The following KCTD16 variants were observed in gnomAD, a reference collection of about 807,000 sequenced individuals.
The protein encoded by KCTD16 is potassium channel tetramerization domain containing 16, also known as BTB/POZ domain-containing protein KCTD16.
Under a neutral mutation model 33.2 loss-of-function variants are expected in KCTD16, and 13 were observed. The observed-to-expected ratio is 0.39, with a 90% CI of 0.25 to 0.62. KCTD16 has a LOEUF of 0.62. Ranked by LOEUF, KCTD16 falls within the 20% of genes least tolerant of loss-of-function variation. The pLI is 0.50. For missense variants in KCTD16, 441 were observed against 525.1 expected (o/e 0.84, Z 1.57); for synonymous variants, 197 against 195.3 (o/e 1.01, Z -0.07).
intron 3 of KCTD16, among the ~76,000 whole-genome samples, chr5:144,272,819 AAAAATTAACTC>A (rs992585708): frequency 6.7e-4 from 102 of 152,318 alleles, no homozygotes; most frequent in African/African-American, 2.4e-3. Flanking sequence ...CACCATATAC[AAAAATTAACTC>A]AAAATGGAAA....
chr5:144,371,613 A>G (rs531455346), intron 3 of KCTD16, among the ~76,000 whole-genome samples: 48 of 152,296 alleles, frequency 3.2e-4, no homozygotes, highest in African/African-American at 1.0e-3. Context: ...CTAAGTAGAA[A>G]TGATTAATGA....
chr5:144,211,584 A>C (rs867265359), intron 3 of KCTD16, among the ~76,000 whole-genome samples: 2 of 152,190 alleles, frequency 1.3e-5, no homozygotes, highest in Non-Finnish European at 2.9e-5. Flanking sequence ...TGCATGTTCA[A>C]ACTTGAGTCT....
At chr5:144,236,119 T>C (rs184499356) in intron 3 of KCTD16, among the ~76,000 whole-genome samples, 51 of 152,234 alleles carry the variant, frequency 3.4e-4, no homozygotes, top group African/African-American at 1.1e-3. Flanking sequence ...ATGCTGAAGA[T>C]AGATAAAAAA....
intron 3 of KCTD16, among the ~76,000 whole-genome samples, chr5:144,407,819 T>C (rs974306120): frequency 6.6e-6 from 1 of 152,184 alleles, no homozygotes; most frequent in African/African-American, 2.4e-5. Context: ...CCTGTGTTAG[T>C]TTGCTGAGAA....
chr5:144,333,676 T>A (rs1023301616), intron 3 of KCTD16, among the ~76,000 whole-genome samples: 3 of 152,160 alleles, frequency 2.0e-5, no homozygotes, highest in Non-Finnish European at 4.4e-5. Context: ...TTCATGTGTC[T>A]CATTCCCCAG....
At chr5:144,275,887 T>C (rs778876202) in intron 3 of KCTD16, among the ~76,000 whole-genome samples, 1 of 152,154 alleles carries the variant, frequency 6.6e-6, no homozygotes, top group South Asian at 2.1e-4. Flanking sequence ...TTAATATTCT[T>C]ACAACAAGCT....
intron 3 of KCTD16, among the ~76,000 whole-genome samples, chr5:144,372,072 G>C (rs1751979596): frequency 6.6e-6 from 1 of 152,140 alleles, no homozygotes; most frequent in South Asian, 2.1e-4. Flanking sequence ...ACACAAACAG[G>C]AAGGGTCGGG....
At chr5:144,392,245 C>A (rs904622863) in intron 3 of KCTD16, among the ~76,000 whole-genome samples, 1 of 152,046 alleles carries the variant, frequency 6.6e-6, no homozygotes, top group Non-Finnish European at 1.5e-5. Context: ...GGAAAAAGCC[C>A]CATGAATTCA....
chr5:144,355,107 C>T (rs1035271426), intron 3 of KCTD16, among the ~76,000 whole-genome samples: 2 of 152,128 alleles, frequency 1.3e-5, no homozygotes, highest in African/African-American at 2.4e-5. Context: ...CAAAGTCAGA[C>T]ATCTAGAACA....
chr5:144,416,232 T>C (rs1753050658), intron 3 of KCTD16, among the ~76,000 whole-genome samples: 1 of 152,052 alleles, frequency 6.6e-6, no homozygotes, highest in Non-Finnish European at 1.5e-5. Flanking sequence ...ATCTCCAAAA[T>C]ATTTAGTTTT....
intron 3 of KCTD16, among the ~76,000 whole-genome samples, chr5:144,227,742 A>G (rs766037699): frequency 1.3e-5 from 2 of 152,206 alleles, no homozygotes; most frequent in African/African-American, 2.4e-5. Context: ...GATGGCTCAG[A>G]GAAGGTCGAT....
At chr5:144,445,388 G>T (rs1273185114) in intron 3 of KCTD16, among the ~76,000 whole-genome samples, 1 of 151,952 alleles carries the variant, frequency 6.6e-6, no homozygotes, top group Admixed American at 6.6e-5. Context: ...ACTGCAATTC[G>T]AATCTCCTTT....
intron 3 of KCTD16, among the ~76,000 whole-genome samples, chr5:144,406,849 C>A (rs1752819358): frequency 6.6e-6 from 1 of 152,162 alleles, no homozygotes; most frequent in African/African-American, 2.4e-5. Context: ...CAGCTGCTGC[C>A]AGCCTCTGTA....
chr5:144,441,378 G>GT (rs772567740), intron 3 of KCTD16, among the ~76,000 whole-genome samples: 1 of 151,982 alleles, frequency 6.6e-6, no homozygotes, highest in Non-Finnish European at 1.5e-5. Context: ...TCTTCTAAGA[G>GT]TTGTTATTTT....
At chr5:144,350,821 G>A (rs1377540713) in intron 3 of KCTD16, among the ~76,000 whole-genome samples, 2 of 150,184 alleles carry the variant, frequency 1.3e-5, no homozygotes, top group Non-Finnish European at 3.0e-5. Flanking sequence ...CACAGACAGT[G>A]ATTATTATTG....
At chr5:144,325,733 C>T (rs1167056198) in intron 3 of KCTD16, among the ~76,000 whole-genome samples, 1 of 152,188 alleles carries the variant, frequency 6.6e-6, no homozygotes, top group South Asian at 2.1e-4. Context: ...TCTGGAGCAC[C>T]AGTACTTTCC....
intron 2 of KCTD16, among the ~76,000 whole-genome samples, chr5:144,191,545 A>C (rs1424533676): frequency 2.0e-5 from 3 of 152,156 alleles, no homozygotes; most frequent in Admixed American, 2.0e-4. Context: ...TTCAAAGTGC[A>C]ATAGCAACTC....
chr5:144,344,392 G>T lies in KCTD16; in HGVS notation c.833-129268G>T, dbSNP rs1752727529. On this transcript the variant is annotated intron_variant, in intron 3 of 3. Coordinates refer to ENST00000512467, the MANE Select transcript of KCTD16 (RefSeq NM_020768.4). The stretch of plus-strand genomic sequence containing the variant: ...ATTAAAGAGCTTCTGCACAGCAAAA[G>T]AAACTACCATCAGAGTGAACAGGCA... 4.3e-5 allele frequency among the ~76,000 whole-genome samples: 6 copies of T among 138,572 alleles called. 1 individual carries two copies. The South Asian group carries it at 1.3e-3, about 30-fold the overall frequency. 90.9% of individuals were successfully genotyped at this position (138,572 alleles called of 152,430 possible).
intron 3 of KCTD16, among the ~76,000 whole-genome samples, chr5:144,266,249 C>T (rs1952299652): frequency 6.6e-6 from 1 of 152,104 alleles, no homozygotes. Flanking sequence ...CACTGCCTAA[C>T]TTTTCTCAAT....
Sources: allele counts gnomAD v4.1 joint callset (sites outside exome capture counted in the v4.1 genomes callset), GRCh38; gene constraint gnomAD v4.1.1; transcripts MANE v1.5; gene names NCBI Gene and HGNC (gene_info 2026-07-23, HGNC 2026-07-21).